OSMR: variants seen among roughly 807,000 people sequenced by gnomAD.
OSMR encodes oncostatin M receptor.
A neutral mutation model predicts 99.9 loss-of-function variants in OSMR; 81 were observed. The ratio of observed to expected loss-of-function variants is 0.81; its 90% CI spans 0.68 to 0.97. The LOEUF (loss-of-function observed/expected upper bound fraction) is 0.97. Ranked by LOEUF, OSMR falls within the 50% of genes least tolerant of loss-of-function variation. The pLI is 0.00. For missense variants in OSMR, 1,099 were observed against 1,153.4 expected (o/e 0.95, Z 0.68); for synonymous variants, 406 against 410.4 (o/e 0.99, Z 0.13).
intron 1 of OSMR, chr5:38,942,798 G>C (rs1458446525): frequency 4.0e-6 from 6 of 1,484,516 alleles, no homozygotes; most frequent in Non-Finnish European, 4.7e-6. Context: ...AATTATTCTT[G>C]GAAGATAAAT....
At chr5:38,863,220 GGGGAGA>G (rs1561341445) in intron 1 of OSMR, among the ~76,000 whole-genome samples, 3 of 92,722 alleles carry the variant, frequency 3.2e-5, no homozygotes, top group Non-Finnish European at 4.4e-5. Context: ...GGAGGGGGAG[GGGGAGA>G]GATGATTTTG....
chr5:38,932,001 T>G, intron 16 of OSMR, 37 bp downstream of exon 16: 1 of 1,458,290 alleles, frequency 6.9e-7, no homozygotes, highest in Non-Finnish European at 9.6e-7. Context: ...AAGAAGAGAG[T>G]AAGAGAAAAG....
chr5:38,932,080 G>T (rs1471196861), intron 16 of OSMR, 116 bp downstream of exon 16: 2 of 857,940 alleles, frequency 2.3e-6, no homozygotes, highest in Non-Finnish European at 3.9e-6. Flanking sequence ...AAAAGGAAAA[G>T]AACAAAGGAG....
downstream of OSMR, chr5:38,940,131 A>AG (rs1747389413): frequency 6.4e-6 from 1 of 156,940 alleles, no homozygotes; most frequent in Non-Finnish European, 1.2e-5. Flanking sequence ...AAGTAACAGT[A>AG]AAAAAAAAAA....
At chr5:38,886,409 T>C in intron 7 of OSMR, 4 of 1,305,318 alleles carry the variant, frequency 3.1e-6, no homozygotes, top group Non-Finnish European at 4.0e-6. Flanking sequence ...ATGAGCTTAC[T>C]ACCCAACTTC....
At chr5:38,919,977 G>T (rs1746150961) in intron 11 of OSMR, among the ~76,000 whole-genome samples, 1 of 152,186 alleles carries the variant, frequency 6.6e-6, no homozygotes, top group Admixed American at 6.5e-5. Context: ...GTTGTTTAGT[G>T]TAACCTCTGC....
intron 1 of OSMR, among the ~76,000 whole-genome samples, chr5:38,858,995 A>T (rs1161296170): frequency 2.0e-5 from 3 of 152,136 alleles, no homozygotes; most frequent in Admixed American, 1.3e-4. Context: ...CATATTCTGG[A>T]TATTAGTTCC....
chr5:38,889,184 C>G (rs1743991213), intron 7 of OSMR, among the ~76,000 whole-genome samples: 2 of 152,052 alleles, frequency 1.3e-5, no homozygotes, highest in Non-Finnish European at 2.9e-5. Flanking sequence ...TACATTCTTT[C>G]AATATGTAGT....
intron 7 of OSMR, among the ~76,000 whole-genome samples, chr5:38,895,067 A>G (rs1161536926): frequency 2.0e-5 from 3 of 152,152 alleles, no homozygotes; most frequent in Non-Finnish European, 4.4e-5. Flanking sequence ...CAGAGACATA[A>G]CATACCAAAA....
At chr5:38,895,378 T>A (rs768916044) in intron 7 of OSMR, among the ~76,000 whole-genome samples, 37 of 152,216 alleles carry the variant, frequency 2.4e-4, no homozygotes, top group Non-Finnish European at 4.9e-4. Context: ...TTTGTATTTC[T>A]CTGATGATCC....
At chr5:38,855,624 C>G (rs918495741) in intron 1 of OSMR, among the ~76,000 whole-genome samples, 2 of 152,106 alleles carry the variant, frequency 1.3e-5, no homozygotes, top group African/African-American at 4.8e-5. Flanking sequence ...CACCACTGCT[C>G]ACTGCTTCCA....
intron 4 of OSMR, 69 bp from the exon 5 acceptor site, chr5:38,883,758 T>C: frequency 1.2e-6 from 2 of 1,610,224 alleles, no homozygotes; most frequent in Non-Finnish European, 1.7e-6. Flanking sequence ...TGAAGGCAAA[T>C]GGATAACTTG....
intron 16 of OSMR, 152 bp from the exon 17 acceptor site, chr5:38,932,311 G>A (rs1295315021): frequency 1.1e-4 from 74 of 688,040 alleles, no homozygotes. Context: ...TCTCCATTTA[G>A]CCATAAGAAA....
At chr5:38,892,171 A>G (rs1744203885) in intron 7 of OSMR, among the ~76,000 whole-genome samples, 1 of 151,724 alleles carries the variant, frequency 6.6e-6, no homozygotes, top group Non-Finnish European at 1.5e-5. Flanking sequence ...GTGTGTCTTC[A>G]TTGCTTCAGC....
intron 1 of OSMR, among the ~76,000 whole-genome samples, chr5:38,854,859 T>C (rs777819760): frequency 6.6e-6 from 1 of 151,840 alleles, no homozygotes; most frequent in Non-Finnish European, 1.5e-5. Flanking sequence ...GGGGATGAAG[T>C]AGGAAGTATT....
chr5:38,921,237 T>C (rs1746216070), intron 11 of OSMR, among the ~76,000 whole-genome samples: 1 of 152,136 alleles, frequency 6.6e-6, no homozygotes, highest in South Asian at 2.1e-4. Context: ...TCTTTGTTGG[T>C]TTATTTTTAT....
chr5:38,884,521 G>A (rs530616622), intron 5 of OSMR, among the ~76,000 whole-genome samples: 38 of 152,292 alleles, frequency 2.5e-4, no homozygotes, highest in African/African-American at 7.7e-4. Context: ...CCCTGGCTGG[G>A]TGTGTCATCT....
chr5:38,892,280 G>T (rs78197976), intron 7 of OSMR, among the ~76,000 whole-genome samples: 9,903 of 152,014 alleles, frequency 0.065, 423 homozygotes, highest in South Asian at 0.17. Context: ...TGAAAACCCA[G>T]CCCCCACTGG....
intron 11 of OSMR, among the ~76,000 whole-genome samples, chr5:38,920,105 G>T (rs1055885522): frequency 3.3e-5 from 5 of 152,134 alleles, no homozygotes; most frequent in African/African-American, 1.2e-4. Flanking sequence ...TCTGAGGAAG[G>T]GAGAGACCAG....
Sources: gnomAD v4.1 joint callset for allele counts (sites outside exome capture counted in the v4.1 genomes callset) on GRCh38, gnomAD v4.1.1 for gene constraint, MANE v1.5 for transcripts, NCBI Gene and HGNC (gene_info 2026-07-23, HGNC 2026-07-21) for gene names.